CAMK1D: variants seen among roughly 807,000 people sequenced by gnomAD.
CAMK1D encodes calcium/calmodulin dependent protein kinase ID.
A neutral mutation model predicts 47.7 loss-of-function variants in CAMK1D; 9 were observed. The ratio of observed to expected loss-of-function variants is 0.19; its 90% CI spans 0.11 to 0.33. The LOEUF is 0.33. Among genes scored for constraint, CAMK1D ranks in the 10% least tolerant of loss-of-function variants. The pLI is 1.00. For missense variants in CAMK1D, 291 were observed against 488.7 expected, an observed-to-expected ratio of 0.60 and a Z score of 3.81; for synonymous variants, 184 against 184.9, an observed-to-expected ratio of 0.99 and a Z score of 0.04.
In CAMK1D at chr10:12,453,696, CA is replaced by C. The variant is rs1445505965; in HGVS notation, c.93-99527del. Among the ~76,000 whole-genome samples the C allele has an allele frequency of 5.0e-4, 76 of 152,184 alleles. 1 individual carries two copies. Among genetic ancestry groups the C allele is most frequent in the Admixed American group, 5.0e-3 (76 of 15,280 alleles). On this transcript the variant is annotated intron_variant, in intron 1 of 10. Transcript: ENST00000619168. ...TATAATACAGGCATTGCATTTTTGGCAACCACAACACACTTCTGACTTACAT... is the reference window on the plus strand; with the variant it reads ...TATAATACAGGCATTGCATTTTTGGCACCACAACACACTTCTGACTTACAT...
chr10:12,779,536 C>G (rs1837402231), intron 5 of CAMK1D, among the ~76,000 whole-genome samples: 1 of 152,080 alleles, frequency 6.6e-6, no homozygotes, highest in African/African-American at 2.4e-5. Context: ...CTCAGGTGAT[C>G]CTCCCACCTC....
At chr10:12,727,830 A>T (rs1460238611) in intron 3 of CAMK1D, among the ~76,000 whole-genome samples, 1 of 150,512 alleles carries the variant, frequency 6.6e-6, no homozygotes, top group Non-Finnish European at 1.5e-5. Flanking sequence ...GGGGCGCGCG[A>T]TCTCAGTTTG....
chr10:12,678,325 T>C (rs1277217341), intron 3 of CAMK1D, among the ~76,000 whole-genome samples: 1 of 152,228 alleles, frequency 6.6e-6, no homozygotes, highest in Non-Finnish European at 1.5e-5. Flanking sequence ...TGATTTCTAG[T>C]TTCCTTTTAT....
At chr10:12,394,230 G>A (rs558438798) in intron 1 of CAMK1D, among the ~76,000 whole-genome samples, 3 of 152,132 alleles carry the variant, frequency 2.0e-5, no homozygotes, top group African/African-American at 7.2e-5. Flanking sequence ...TGTAGGGTGG[G>A]GTGAGGTAGC....
intron 1 of CAMK1D, among the ~76,000 whole-genome samples, chr10:12,466,950 A>C (rs1028716488): frequency 1.3e-5 from 2 of 152,100 alleles, no homozygotes; most frequent in African/African-American, 4.8e-5. Flanking sequence ...CTTCCTGGCC[A>C]AAAGGCTTAT....
chr10:12,461,573 C>T (rs1052556987), intron 1 of CAMK1D, among the ~76,000 whole-genome samples: 5 of 151,464 alleles, frequency 3.3e-5, no homozygotes, highest in Non-Finnish European at 7.4e-5. Flanking sequence ...CCTGTAGTCC[C>T]AGCTACTCCG....
intron 2 of CAMK1D, among the ~76,000 whole-genome samples, chr10:12,612,180 A>G (rs749334441): frequency 4.6e-5 from 7 of 152,068 alleles, no homozygotes; most frequent in Non-Finnish European, 7.4e-5. Context: ...TCCACTTCCA[A>G]AACTCCAGCC....
At chr10:12,490,793 CAAAAAGA>C (rs1394129869) in intron 1 of CAMK1D, among the ~76,000 whole-genome samples, 7 of 151,614 alleles carry the variant, frequency 4.6e-5, no homozygotes, top group East Asian at 1.9e-4. Flanking sequence ...TGCAATGAGC[CAAAAAGA>C]AAAAAGAAAA....
At chr10:12,611,609 T>TTTTTTTTTTTTTTTG (rs1554796845) in intron 2 of CAMK1D, among the ~76,000 whole-genome samples, 7 of 124,708 alleles carry the variant, frequency 5.6e-5, no homozygotes, top group Admixed American at 1.9e-4. Context: ...TTTTTTTTTT[T>TTTTTTTTTTTTTTTG]GAGACAGAGT....
chr10:12,587,726 CT>C (rs1837862731), intron 2 of CAMK1D, among the ~76,000 whole-genome samples: 1 of 152,142 alleles, frequency 6.6e-6, no homozygotes, highest in East Asian at 1.9e-4. Flanking sequence ...AATAAAACAA[CT>C]CCTATTTACA....
chr10:12,633,347 G>A (rs1026119879), intron 2 of CAMK1D, among the ~76,000 whole-genome samples: 1 of 152,138 alleles, frequency 6.6e-6, no homozygotes, highest in Non-Finnish European at 1.5e-5. Context: ...TGAGTGGTGA[G>A]GCAACAGTGC....
chr10:12,449,067 C>T (rs188716760), intron 1 of CAMK1D, among the ~76,000 whole-genome samples: 6 of 152,260 alleles, frequency 3.9e-5, no homozygotes, highest in Admixed American at 2.6e-4. Context: ...GATTCTATTA[C>T]GTCATGTTAC....
At chr10:12,719,899 C>T (rs978274267) in intron 3 of CAMK1D, among the ~76,000 whole-genome samples, 2 of 152,202 alleles carry the variant, frequency 1.3e-5, no homozygotes, top group Non-Finnish European at 2.9e-5. Flanking sequence ...GGGACAGTTG[C>T]GAGCAATCCA....
chr10:12,421,746 C>A (rs915391633), intron 1 of CAMK1D, among the ~76,000 whole-genome samples: 4 of 149,848 alleles, frequency 2.7e-5, no homozygotes, highest in African/African-American at 9.8e-5. Flanking sequence ...GGCTGGTTAC[C>A]CAGGACTCTT....
intron 2 of CAMK1D, among the ~76,000 whole-genome samples, chr10:12,582,031 G>A (rs1035950790): frequency 1.3e-5 from 2 of 152,104 alleles, no homozygotes; most frequent in African/African-American, 4.8e-5. Context: ...GGTCTTAGAT[G>A]TGAGTCCTTG....
rs369507799 is a variant in CAMK1D, at chr10:12,653,445, C to G, written c.225-13291C>G. 4.6e-5 allele frequency among the ~76,000 whole-genome samples: 7 copies of G among 152,126 alleles called. No individual in the cohort carries two copies. In the East Asian group the frequency reaches 9.6e-4, roughly 21 times the overall value. ...CACACATACAATGAACCACAAACAC[C>G]CTAATTCATTCCCAACATATGAGTG... On this transcript the variant is annotated intron_variant, in intron 2 of 10. Coordinates refer to ENST00000619168, the MANE Select transcript of CAMK1D (RefSeq NM_153498.4).
At chr10:12,384,127 A>G (rs1011396682) in intron 1 of CAMK1D, among the ~76,000 whole-genome samples, 1 of 152,242 alleles carries the variant, frequency 6.6e-6, no homozygotes, top group Admixed American at 6.5e-5. Flanking sequence ...AGAATAAGAT[A>G]TTTAGGAGTA....
intron 3 of CAMK1D, among the ~76,000 whole-genome samples, chr10:12,720,745 A>C (rs1040670530): frequency 1.4e-4 from 22 of 152,310 alleles, no homozygotes; most frequent in South Asian, 1.0e-3. Context: ...ATGGCCCCGA[A>C]GAATCAATAA....
chr10:12,671,976 C>T lies in CAMK1D; in HGVS notation c.299+5166C>T, dbSNP rs972752911. ...TGTCGCCCAGGCTGGAGTGCAGTGG[C>T]GTGATCTTGGCTCACTGCAAGCTGT... is the stretch of plus-strand genomic sequence containing the variant. On this transcript the variant is annotated intron_variant, in intron 3 of 10. Coordinates refer to ENST00000619168, the MANE Select transcript of CAMK1D (RefSeq NM_153498.4). Among the ~76,000 whole-genome samples the T allele has an allele frequency of 3.5e-5, 5 of 141,594 alleles. No homozygotes were observed. The South Asian group carries it at 6.7e-4, about 19-fold the overall frequency. The allele number at this position is 141,594 out of a possible 152,430, so 92.9% of individuals were successfully genotyped here.
Sources: gnomAD v4.1 joint callset for allele counts (sites outside exome capture counted in the v4.1 genomes callset) on GRCh38, gnomAD v4.1.1 for gene constraint, MANE v1.5 for transcripts, NCBI Gene and HGNC (gene_info 2026-07-23, HGNC 2026-07-21) for gene names.